CNTNAP2: variants seen among roughly 807,000 people sequenced by gnomAD.
CNTNAP2 encodes the protein contactin-associated protein-like 2.
CNTNAP2 carries 98 observed loss-of-function variants against 155.2 expected under a neutral mutation model. The observed-to-expected ratio is 0.63, with a 90% confidence interval of 0.54 to 0.75. The LOEUF (loss-of-function observed/expected upper bound fraction) is 0.75. Among genes scored for constraint, CNTNAP2 ranks in the 30% least tolerant of loss-of-function variants. The probability of loss-of-function intolerance (pLI) is 0.00; values close to 1 mark genes in which losing one functional copy is unlikely to be tolerated. For missense variants in CNTNAP2, 1,727 were observed against 1,688.1 expected (o/e 1.02, Z -0.40); for synonymous variants, 651 against 631.2 (o/e 1.03, Z -0.47).
chr7:146,984,248 T>C (rs1438398346), intron 3 of CNTNAP2, among the ~76,000 whole-genome samples: 1 of 151,134 alleles, frequency 6.6e-6, no homozygotes, highest in Non-Finnish European at 1.5e-5. Flanking sequence ...ACGCCTGTAA[T>C]CCCAGCTACT....
intron 2 of CNTNAP2, among the ~76,000 whole-genome samples, chr7:146,827,300 G>T (rs940032718): frequency 6.6e-6 from 1 of 151,876 alleles, no homozygotes; most frequent in Admixed American, 6.6e-5. Flanking sequence ...CTTGTTCAGG[G>T]TTTGCTACAA....
chr7:146,634,131 G>A (rs538850604), intron 1 of CNTNAP2, among the ~76,000 whole-genome samples: 1 of 152,134 alleles, frequency 6.6e-6, no homozygotes, highest in African/African-American at 2.4e-5. Context: ...GGTACACACT[G>A]GTACACATTT....
intron 1 of CNTNAP2, among the ~76,000 whole-genome samples, chr7:146,711,149 T>A (rs1383940995): frequency 6.6e-6 from 1 of 150,788 alleles, no homozygotes; most frequent in East Asian, 2.0e-4. Flanking sequence ...TGTGTGTATA[T>A]ACAGGAGAAA....
chr7:148,193,855 T>C (rs935832310), intron 18 of CNTNAP2, among the ~76,000 whole-genome samples: 1 of 151,890 alleles, frequency 6.6e-6, no homozygotes, highest in African/African-American at 2.4e-5. Context: ...TCCACTGCTG[T>C]TCATTCCCAG....
chr7:147,274,209 A>C (rs1285605814), intron 8 of CNTNAP2, among the ~76,000 whole-genome samples: 2 of 152,028 alleles, frequency 1.3e-5, no homozygotes, highest in Non-Finnish European at 2.9e-5. Context: ...TGGTAGTTTT[A>C]CATCTTTGAG....
At chr7:147,458,858 G>C (rs1563212020) in intron 10 of CNTNAP2, among the ~76,000 whole-genome samples, 1 of 152,158 alleles carries the variant, frequency 6.6e-6, no homozygotes, top group Non-Finnish European at 1.5e-5. Context: ...TATGGAGCTG[G>C]CATAAATATT....
intron 18 of CNTNAP2, among the ~76,000 whole-genome samples, chr7:148,196,128 C>T (rs1795273754): frequency 6.6e-6 from 1 of 152,130 alleles, no homozygotes; most frequent in African/African-American, 2.4e-5. Context: ...GAGAATATCC[C>T]ATTTGCACAC....
intron 12 of CNTNAP2, among the ~76,000 whole-genome samples, chr7:147,624,183 G>A (rs952519121): frequency 6.6e-6 from 1 of 151,882 alleles, no homozygotes; most frequent in Non-Finnish European, 1.5e-5. Flanking sequence ...AACTCTCCAG[G>A]ACATTGGTCT....
At chr7:146,244,817 C>G (rs1315794950) in intron 1 of CNTNAP2, among the ~76,000 whole-genome samples, 2 of 152,108 alleles carry the variant, frequency 1.3e-5, no homozygotes, top group Non-Finnish European at 2.9e-5. Flanking sequence ...GGAAAGGACT[C>G]TACCTATCCA....
At chr7:146,832,744 G>T (rs944595260) in intron 2 of CNTNAP2, among the ~76,000 whole-genome samples, 2 of 151,678 alleles carry the variant, frequency 1.3e-5, no homozygotes, top group South Asian at 4.2e-4. Context: ...TTTTCAGGCT[G>T]GAGTACAGTG....
intron 1 of CNTNAP2, among the ~76,000 whole-genome samples, chr7:146,695,813 A>G (rs1029387362): frequency 1.3e-5 from 2 of 152,210 alleles, no homozygotes; most frequent in African/African-American, 4.8e-5. Flanking sequence ...ATGGCTAAAT[A>G]GCTAATTAAC....
chr7:146,762,670 C>T (rs1390623926), intron 1 of CNTNAP2, among the ~76,000 whole-genome samples: 1 of 152,124 alleles, frequency 6.6e-6, no homozygotes, highest in African/African-American at 2.4e-5. Flanking sequence ...AGAGACATGC[C>T]TGTGCCTGGG....
At chr7:146,761,462 A>G (rs1802098721) in intron 1 of CNTNAP2, among the ~76,000 whole-genome samples, 1 of 152,056 alleles carries the variant, frequency 6.6e-6, no homozygotes, top group African/African-American at 2.4e-5. Context: ...TCCAAGAGAA[A>G]ATGTGAAGAA....
intron 1 of CNTNAP2, among the ~76,000 whole-genome samples, chr7:146,368,239 T>A (rs115820865): frequency 6.6e-6 from 1 of 152,180 alleles, no homozygotes; most frequent in Non-Finnish European, 1.5e-5. Flanking sequence ...CATAAATAGA[T>A]GTCTCCAAGG....
intron 4 of CNTNAP2, among the ~76,000 whole-genome samples, chr7:147,047,272 C>T (rs1205917510): frequency 3.6e-5 from 4 of 110,454 alleles, no homozygotes; most frequent in Non-Finnish European, 5.1e-5. Context: ...CCACGCCCGG[C>T]TAATTTTTTT....
At chr7:147,275,393 T>C (rs1385833105) in intron 8 of CNTNAP2, among the ~76,000 whole-genome samples, 1 of 150,846 alleles carries the variant, frequency 6.6e-6, no homozygotes, top group African/African-American at 2.4e-5. Context: ...AACATATTCC[T>C]AGATAGTGTG....
At chr7:147,507,075 C>A (rs141013672) in intron 11 of CNTNAP2, among the ~76,000 whole-genome samples, 11 of 152,262 alleles carry the variant, frequency 7.2e-5, no homozygotes, top group African/African-American at 2.4e-4. Flanking sequence ...CTATTGTAGA[C>A]TCTCCAAAGT....
chr7:146,227,339 T>C (rs1459369089), intron 1 of CNTNAP2, among the ~76,000 whole-genome samples: 4 of 150,570 alleles, frequency 2.7e-5, no homozygotes, highest in African/African-American at 9.8e-5. Context: ...ACAGCAGAAT[T>C]GCTTGAACCC....
chr7:147,258,036 T>C (rs1804370367), intron 8 of CNTNAP2, among the ~76,000 whole-genome samples: 1 of 152,166 alleles, frequency 6.6e-6, no homozygotes, highest in South Asian at 2.1e-4. Flanking sequence ...GATGATGGTT[T>C]GCTAAAGAAG....
Sources: allele counts gnomAD v4.1 joint callset (sites outside exome capture counted in the v4.1 genomes callset), GRCh38; gene constraint gnomAD v4.1.1; transcripts MANE v1.5; gene names NCBI Gene and HGNC (gene_info 2026-07-23, HGNC 2026-07-21).